Variants in EPHB1 observed in about 807,000 individuals in gnomAD.
EPHB1 encodes EPH receptor B1.
In EPHB1, 30 loss-of-function variants were observed where a neutral mutation model predicts 94.4. The observed-to-expected ratio is 0.32, with a 90% CI of 0.24 to 0.43. EPHB1 has a LOEUF of 0.43. Among genes scored for constraint, EPHB1 ranks in the 20% least tolerant of loss-of-function variants. The pLI is 1.00. For synonymous variants in EPHB1, 522 were observed against 489.1 expected (o/e 1.07, Z -0.89); for missense variants, 1,055 against 1,308.3 (o/e 0.81, Z 2.99).
At chr3:135,201,969 G>T (rs1942769112) in intron 12 of EPHB1, among the ~76,000 whole-genome samples, 1 of 152,052 alleles carries the variant, frequency 6.6e-6, no homozygotes, top group African/African-American at 2.4e-5. Flanking sequence ...TGGAACAGAT[G>T]ATTTGAGGGA....
At chr3:135,229,645 T>A (rs1346615766) in intron 12 of EPHB1, among the ~76,000 whole-genome samples, 1 of 152,140 alleles carries the variant, frequency 6.6e-6, no homozygotes, top group East Asian at 1.9e-4. Flanking sequence ...CCCCACAGCC[T>A]TCCCACAGAG....
At chr3:134,824,034 C>T (rs1284493600) in intron 1 of EPHB1, 3 of 151,674 alleles carry the variant, frequency 2.0e-5, no homozygotes, top group African/African-American at 7.3e-5. Context: ...TTTTATGAAC[C>T]ATGAATGCTT....
intron 3 of EPHB1, among the ~76,000 whole-genome samples, chr3:135,043,991 C>T (rs189447804): frequency 6.6e-6 from 1 of 152,298 alleles, no homozygotes; most frequent in East Asian, 1.9e-4. Context: ...AATGAGAGAA[C>T]AAATAGGACA....
In EPHB1 at chr3:134,819,253, A is replaced by T. The variant is rs559236836; in HGVS notation, c.58+23564A>T. Among the ~76,000 whole-genome samples the T allele has an allele frequency of 1.1e-4, 17 of 152,144 alleles. No individual in the cohort carries two copies. In the South Asian group the frequency reaches 3.5e-3, roughly 32 times the overall value. ...CATAATCAGTCGGAGCTTCTGTTTG[A>T]TGTGTGTCCTCCCTCTCCCTATGCC... On this transcript the variant is annotated intron_variant, in intron 1 of 15. Transcript: ENST00000398015.
At chr3:135,169,859 G>C (rs193187389) in intron 9 of EPHB1, among the ~76,000 whole-genome samples, 74 of 152,336 alleles carry the variant, frequency 4.9e-4, no homozygotes, top group Middle Eastern at 3.4e-3. Context: ...GCCGGCTGCA[G>C]AGCCCATGCT....
intron 13 of EPHB1, among the ~76,000 whole-genome samples, chr3:135,244,668 A>C (rs931702010): frequency 1.3e-5 from 2 of 152,190 alleles, no homozygotes; most frequent in Non-Finnish European, 2.9e-5. Context: ...TGTGACAGAG[A>C]ATGATTTCAA....
chr3:135,145,190 T>C (rs1167071879), intron 5 of EPHB1, among the ~76,000 whole-genome samples: 4 of 152,232 alleles, frequency 2.6e-5, no homozygotes, highest in Admixed American at 2.6e-4. Flanking sequence ...CAAAGTTACC[T>C]CCTAGAATAG....
At chr3:135,001,322 G>A (rs1359542962) in intron 3 of EPHB1, among the ~76,000 whole-genome samples, 2 of 152,162 alleles carry the variant, frequency 1.3e-5, no homozygotes, top group African/African-American at 4.8e-5. Flanking sequence ...CTAACAGTGA[G>A]CTCTGTGTTT....
At chr3:134,930,500 A>C (rs954432733) in intron 2 of EPHB1, among the ~76,000 whole-genome samples, 12 of 152,332 alleles carry the variant, frequency 7.9e-5, no homozygotes, top group Non-Finnish European at 1.6e-4. Flanking sequence ...CCCTCACCAC[A>C]GGCCCTGGTG....
chr3:134,869,766 AT>A, intron 1 of EPHB1, among the ~76,000 whole-genome samples: 1 of 152,238 alleles, frequency 6.6e-6, no homozygotes, highest in South Asian at 2.1e-4. Flanking sequence ...AGCAACTTGC[AT>A]TTGTTGTGTC....
chr3:134,799,256 AG>A (rs2035889784), intron 1 of EPHB1, among the ~76,000 whole-genome samples: 1 of 152,206 alleles, frequency 6.6e-6, no homozygotes, highest in South Asian at 2.1e-4. Flanking sequence ...ACAGGCCACA[AG>A]GTGAGGCAGT....
chr3:134,868,532 A>G (rs2037428597), intron 1 of EPHB1, among the ~76,000 whole-genome samples: 1 of 152,164 alleles, frequency 6.6e-6, no homozygotes, highest in African/African-American at 2.4e-5. Flanking sequence ...GGAGGGGGTG[A>G]TCTTAATCTC....
intron 4 of EPHB1, among the ~76,000 whole-genome samples, chr3:135,114,728 G>A (rs200336294): frequency 0.01 from 1,360 of 133,716 alleles, 21 homozygotes; most frequent in African/African-American, 0.036. Context: ...GTCTCAGATA[G>A]ATAAATAAAT....
At chr3:135,012,760 C>T (rs1202692846) in intron 3 of EPHB1, among the ~76,000 whole-genome samples, 1 of 152,162 alleles carries the variant, frequency 6.6e-6, no homozygotes, top group Non-Finnish European at 1.5e-5. Flanking sequence ...GAGGATCCCC[C>T]AAGCCAACTC....
chr3:135,118,178 C>T (rs759727864), intron 4 of EPHB1, among the ~76,000 whole-genome samples: 6 of 152,144 alleles, frequency 3.9e-5, no homozygotes, highest in East Asian at 1.9e-4. Context: ...TGAGGTCAGC[C>T]GTGCCCATAC....
intron 3 of EPHB1, among the ~76,000 whole-genome samples, chr3:134,953,522 C>G (rs1030384070): frequency 5.3e-5 from 8 of 152,248 alleles, no homozygotes; most frequent in African/African-American, 1.9e-4. Context: ...GGATGGGTCA[C>G]TATCTTTGCC....
chr3:135,038,477 G>T lies in EPHB1; in HGVS notation c.806-67971G>T, dbSNP rs1254163676. On this transcript the variant is annotated intron_variant, in intron 3 of 15. Coordinates refer to ENST00000398015, the MANE Select transcript of EPHB1 (RefSeq NM_004441.5). Reference sequence around the variant, plus strand: ...CTTCAGGGAGAGAGAGATAGGCCCAGTCTGGCAGCTGACCCTGTCAAGGTG... The same window carrying T: ...CTTCAGGGAGAGAGAGATAGGCCCATTCTGGCAGCTGACCCTGTCAAGGTG... 3.3e-5 allele frequency among the ~76,000 whole-genome samples: 5 copies of T among 152,316 alleles called. No homozygotes were observed. In the South Asian group the frequency reaches 1.0e-3, roughly 32 times the overall value.
At chr3:135,190,347 T>C (rs1942423204) in intron 10 of EPHB1, among the ~76,000 whole-genome samples, 1 of 152,208 alleles carries the variant, frequency 6.6e-6, no homozygotes, top group African/African-American at 2.4e-5. Context: ...CAACTCTGGC[T>C]TTTTTCTAAA....
chr3:134,915,750 C>T (rs955020177), intron 1 of EPHB1, among the ~76,000 whole-genome samples: 8 of 152,118 alleles, frequency 5.3e-5, no homozygotes, highest in African/African-American at 1.9e-4. Context: ...TTCTTTACTC[C>T]TGGTGGGTTC....
Sources: allele counts gnomAD v4.1 joint callset (sites outside exome capture counted in the v4.1 genomes callset), GRCh38; gene constraint gnomAD v4.1.1; transcripts MANE v1.5; gene names NCBI Gene and HGNC (gene_info 2026-07-23, HGNC 2026-07-21).